The following DNAJC10 variants were observed in gnomAD, a reference collection of about 807,000 sequenced individuals.
The protein encoded by DNAJC10 is DnaJ heat shock protein family (Hsp40) member C10.
In DNAJC10, 101 loss-of-function variants were observed where a neutral mutation model predicts 115.0. That is an observed-to-expected ratio of 0.88 (90% confidence interval 0.75 to 1.04). The LOEUF (loss-of-function observed/expected upper bound fraction) is 1.04. DNAJC10 is among the 50% of genes least tolerant of loss of function. DNAJC10 has a pLI of 0.00. For missense variants in DNAJC10, 981 were observed against 928.8 expected, an observed-to-expected ratio of 1.06 and a Z score of -0.73; for synonymous variants, 307 against 301.5, an observed-to-expected ratio of 1.02 and a Z score of -0.19.
At position 182,788,936 on chromosome 2, in the gene DNAJC10, TTTA is replaced by T. The variant is rs1695000218; in HGVS notation, c.*11808_*11810del. The T allele has an allele frequency of 2.5e-6, 1 of 404,634 alleles. No homozygotes were observed. The highest frequency in any genetic ancestry group is 4.8e-6 in the Non-Finnish European group (1 of 208,694). The allele number at this position is 404,634 out of a possible 1,614,324, so 25.1% of individuals were successfully genotyped here. On this transcript the variant is annotated 3_prime_UTR_variant, in exon 24 of 24. Coordinates refer to ENST00000264065, the MANE Select transcript of DNAJC10 (RefSeq NM_018981.4). Reference sequence around the variant, plus strand: ...TTGTGATAAAGTACATGTAACAAAATTTATTAATCATTTTAAAGTAGCATACAG... The same window carrying T: ...TTGTGATAAAGTACATGTAACAAAATTTAATCATTTTAAAGTAGCATACAG...
chr2:182,762,763 T>C lies in DNAJC10; in HGVS notation c.2227T>C (p.Tyr743His), dbSNP rs1694317239. Reference sequence around the variant, plus strand: ...ATGCCAGAAAGCTGGGATCAGGGCCTATCCAACTGTTAAATTTTATTTCTA... The same window carrying C: ...ATGCCAGAAAGCTGGGATCAGGGCCCATCCAACTGTTAAATTTTATTTCTA... ...QTCQKAGIRA[Y>H]PTVKFYFYER... is the part of the protein sequence containing the mutation. Residue 743 changes from tyrosine (Y) to histidine (H), a missense_variant, in exon 22 of 24, where the codon TAT becomes CAT. Tyr to His is a moderately conservative substitution (Grantham distance 83). Transcript: ENST00000264065. The C allele has an allele frequency of 6.2e-7, 1 of 1,612,520 alleles. No homozygotes were observed. Among genetic ancestry groups the C allele is most frequent in the East Asian group, 2.2e-5 (1 of 44,810 alleles).
At chr2:182,756,900 A>C (rs941042930) in intron 18 of DNAJC10, among the ~76,000 whole-genome samples, 3 of 152,136 alleles carry the variant, frequency 2.0e-5, no homozygotes, top group Non-Finnish European at 2.9e-5. Context: ...CTGCCTTTCA[A>C]AGTGCTGGGA....
rs1382440591 is a variant in DNAJC10, at chr2:182,782,509, G to T, written c.*5377G>T. 1 of 148,734 alleles carries T rather than the reference G, an allele frequency of 6.7e-6. No individual in the cohort carries two copies. Among genetic ancestry groups the T allele is most frequent in the Non-Finnish European group, 1.5e-5 (1 of 67,998 alleles). The allele number at this position is 148,734 out of a possible 1,614,324, so 9.2% of individuals were successfully genotyped here. A position where few individuals can be genotyped will look rare whatever the true frequency, so the allele number is the denominator to read the frequency against. ...GCATTGAATCTATAAATTACTTTGG[G>T]CAGTATGACTATTTCACAATATTAA... On this transcript the variant is annotated 3_prime_UTR_variant, in exon 24 of 24. Coordinates refer to ENST00000264065, the MANE Select transcript of DNAJC10 (RefSeq NM_018981.4).
intron 16 of DNAJC10, among the ~76,000 whole-genome samples, chr2:182,753,555 C>A (rs1014725992): frequency 9.1e-5 from 12 of 132,294 alleles, no homozygotes; most frequent in Non-Finnish European, 1.8e-4. Flanking sequence ...CAATAATTAT[C>A]TTAATTTTAA....
rs1254289680 is a variant in DNAJC10 at position 182,779,900 on chromosome 2, A to T, written c.*2768A>T. 1 of 152,184 alleles carries T rather than the reference A, an allele frequency of 6.6e-6. No individual in the cohort carries two copies. The highest frequency in any genetic ancestry group is 1.9e-4 in the East Asian group (1 of 5,190). 9.4% of individuals were successfully genotyped at this position (152,184 alleles called of 1,614,324 possible). On this transcript the variant is annotated 3_prime_UTR_variant, in exon 24 of 24. Transcript: ENST00000264065. ...CACTTTTAAGTCATTTGAATAGAAT[A>T]TTTGTGTAATATTTAGTCTAGTGTT...
intron 3 of DNAJC10, among the ~76,000 whole-genome samples, chr2:182,719,733 A>C (rs751463814): frequency 2.6e-5 from 4 of 151,816 alleles, no homozygotes; most frequent in African/African-American, 9.7e-5. Flanking sequence ...TTTAGGAAGA[A>C]TAACTCATGG....
rs1467804758 is a variant in DNAJC10, at chr2:182,790,232, A to ATTGT, written c.*13102_*13105dup. 6.6e-6 allele frequency: 1 copy of ATTGT among 152,182 alleles called. No homozygotes were observed. Among genetic ancestry groups the ATTGT allele is most frequent in the Non-Finnish European group, 1.5e-5 (1 of 68,032 alleles). 9.4% of individuals were successfully genotyped at this position (152,182 alleles called of 1,614,324 possible). A position where few individuals can be genotyped will look rare whatever the true frequency, so the allele number is the denominator to read the frequency against. ...TTCCATATGTTATCTTCCAAACTAG[A>ATTGT]TTGTTAGGTCTTCAAGAGCAGAAGA... On this transcript the variant is annotated 3_prime_UTR_variant, in exon 24 of 24. Coordinates refer to ENST00000264065, the MANE Select transcript of DNAJC10 (RefSeq NM_018981.4).
intron 5 of DNAJC10, among the ~76,000 whole-genome samples, chr2:182,722,811 G>A (rs1313687527): frequency 6.6e-6 from 1 of 151,876 alleles, no homozygotes; most frequent in Non-Finnish European, 1.5e-5. Flanking sequence ...CTGGTGGCAC[G>A]CACCTGTAAT....
intron 22 of DNAJC10, among the ~76,000 whole-genome samples, chr2:182,766,793 G>T (rs288293): frequency 6.6e-6 from 1 of 151,852 alleles, no homozygotes; most frequent in Admixed American, 6.6e-5. Context: ...ACAAATGTTC[G>T]CTGACCGGGG....
intron 22 of DNAJC10, among the ~76,000 whole-genome samples, chr2:182,771,307 GC>G (rs1294909684): frequency 3.3e-5 from 5 of 152,106 alleles, no homozygotes; most frequent in African/African-American, 1.2e-4. Context: ...TTGTGTCTCT[GC>G]CAGGCTTTGG....
Position 182,757,734 on chromosome 2 carries a change from C to T in DNAJC10, c.1852C>T (p.Gln618Ter), listed in dbSNP as rs1694192949. 1 of 1,602,876 alleles carries T rather than the reference C, an allele frequency of 6.2e-7. No individual in the cohort carries two copies. Among genetic ancestry groups the T allele is most frequent in the African/African-American group, 1.3e-5 (1 of 74,594 alleles). ...LINVGSIDCQ[Q>*]YHSFCAQENV... ...CAACGTGGGCAGTATAGATTGCCAA[C>T]AGTATCATTCTTTTTGTGCCCAGGA... The change falls in exon 19 of 24, where the codon CAG becomes TAG. Residue 618 changes from glutamine to a stop codon, truncating the protein, a stop_gained. Coordinates refer to ENST00000264065, the MANE Select transcript of DNAJC10 (RefSeq NM_018981.4). LOFTEE classifies it high-confidence loss of function.
At chr2:182,764,237 A>G (rs288295) in intron 22 of DNAJC10, among the ~76,000 whole-genome samples, 103,668 of 151,962 alleles carry the variant, frequency 0.68, 36,074 homozygotes, top group African/African-American at 0.8. Flanking sequence ...AGGGTCTCTA[A>G]GTGAGACAAA....
intron 21 of DNAJC10, among the ~76,000 whole-genome samples, chr2:182,761,470 C>T (rs890456523): frequency 4.6e-5 from 7 of 151,944 alleles, no homozygotes; most frequent in East Asian, 1.9e-4. Context: ...GCCTTGGGGA[C>T]GAAACTAGAG....
Position 182,720,046 on chromosome 2 carries a change from A to G in DNAJC10, c.244A>G (p.Arg82Gly). Reference protein sequence around the residue: ...NAHGDFLKINRAYEVLKDEDL... With the variant: ...NAHGDFLKINGAYEVLKDEDL... ...ACATGGCGATTTTTTAAAAATAAAT[A>G]GAGCATATGAAGTACTCAAAGATGA... Residue 82 changes from arginine (R) to glycine (G), a missense_variant, in exon 4 of 24, where the codon AGA becomes GGA. Transcript: ENST00000264065. 1.3e-6 allele frequency: 2 copies of G among 1,587,770 alleles called. No homozygotes were observed. The highest frequency in any genetic ancestry group is 1.7e-6 in the Non-Finnish European group (2 of 1,160,306).
At position 182,786,347 on chromosome 2, in the gene DNAJC10, G is replaced by T. The variant is rs947316545; in HGVS notation, c.*9215G>T. ...CTTTTCATTACTTCCTTTCAGCGTG[G>T]AGCCTGAGCATCATTTCACCATTTT... On this transcript the variant is annotated 3_prime_UTR_variant, in exon 24 of 24. Coordinates refer to ENST00000264065, the MANE Select transcript of DNAJC10 (RefSeq NM_018981.4). 2.0e-5 allele frequency: 3 copies of T among 152,128 alleles called. No homozygotes were observed. The highest frequency in any genetic ancestry group is 6.5e-5 in the Admixed American group (1 of 15,268). The allele number at this position is 152,128 out of a possible 1,614,324, so 9.4% of individuals were successfully genotyped here.
At chr2:182,732,687 A>G (rs183708271) in intron 10 of DNAJC10, 145 bp downstream of exon 10, 143 of 728,006 alleles carry the variant, frequency 2.0e-4, no homozygotes, top group Admixed American at 3.9e-4. Flanking sequence ...ATTCATAGCT[A>G]TGTGTTTTTT....
chr2:182,722,142 A>T, intron 5 of DNAJC10, 67 bp downstream of exon 5: 1 of 1,095,102 alleles, frequency 9.1e-7, no homozygotes, highest in East Asian at 2.5e-5. Flanking sequence ...ACTCTAGGGG[A>T]TATATATGTT....
intron 10 of DNAJC10, chr2:182,732,872 G>T: frequency 3.2e-6 from 1 of 316,402 alleles, no homozygotes; most frequent in African/African-American, 2.2e-5. Flanking sequence ...ATTTTTAAAT[G>T]TATATAGCTC....
intron 14 of DNAJC10, among the ~76,000 whole-genome samples, chr2:182,746,466 G>C (rs1305831967): frequency 3.3e-5 from 5 of 151,868 alleles, no homozygotes; most frequent in Middle Eastern, 6.8e-3. Context: ...ATTTTGATTT[G>C]CATTTCTCTG....
Sources: allele counts gnomAD v4.1 joint callset (sites outside exome capture counted in the v4.1 genomes callset), GRCh38; gene constraint gnomAD v4.1.1; transcripts MANE v1.5; gene names NCBI Gene and HGNC (gene_info 2026-07-23, HGNC 2026-07-21).